ITGBL1: variants seen among roughly 807,000 people sequenced by gnomAD.
ITGBL1 encodes the protein integrin subunit beta like 1.
In ITGBL1, 51 loss-of-function variants were observed where a neutral mutation model predicts 68.5. The ratio of observed to expected loss-of-function variants is 0.74; its 90% CI spans 0.59 to 0.94. The LOEUF (loss-of-function observed/expected upper bound fraction) is 0.94. Ranked by LOEUF, ITGBL1 falls within the 40% of genes least tolerant of loss-of-function variation. The pLI, the probability that ITGBL1 is intolerant of heterozygous loss-of-function variation, is 0.00. For synonymous variants in ITGBL1, 209 were observed against 227.3 expected (o/e 0.92, Z 0.72); for missense variants, 649 against 647.4 (o/e 1.00, Z -0.03).
chr13:101,589,532 A>G (rs1367556749), intron 6 of ITGBL1, among the ~76,000 whole-genome samples: 1 of 152,202 alleles, frequency 6.6e-6, no homozygotes, highest in East Asian at 1.9e-4. Context: ...TCCTGGTGGT[A>G]AAGCATAGAA....
intron 2 of ITGBL1, among the ~76,000 whole-genome samples, chr13:101,485,237 T>C (rs1434833369): frequency 6.6e-6 from 1 of 150,834 alleles, no homozygotes; most frequent in East Asian, 2.0e-4. Context: ...ACAAGGAAAA[T>C]CATGCCAAGT....
At chr13:101,653,339 G>A (rs2032813700) in intron 7 of ITGBL1, among the ~76,000 whole-genome samples, 1 of 152,098 alleles carries the variant, frequency 6.6e-6, no homozygotes, top group Non-Finnish European at 1.5e-5. Flanking sequence ...ATTTATTCAG[G>A]TGAATATTGG....
intron 2 of ITGBL1, among the ~76,000 whole-genome samples, chr13:101,520,446 A>AG (rs1304998591): frequency 6.6e-6 from 1 of 152,186 alleles, no homozygotes; most frequent in African/African-American, 2.4e-5. Flanking sequence ...CCAATGATAG[A>AG]GAAAAATCCA....
intron 2 of ITGBL1, among the ~76,000 whole-genome samples, chr13:101,546,841 G>T (rs1466284362): frequency 6.6e-6 from 1 of 151,912 alleles, no homozygotes; most frequent in African/African-American, 2.4e-5. Flanking sequence ...TAAATAAGGT[G>T]GCTAATAATC....
chr13:101,662,546 A>T (rs1000697656), intron 7 of ITGBL1, among the ~76,000 whole-genome samples: 1 of 152,000 alleles, frequency 6.6e-6, no homozygotes, highest in Non-Finnish European at 1.5e-5. Flanking sequence ...AATCACATAC[A>T]TTTGGTTGTT....
intron 4 of ITGBL1, among the ~76,000 whole-genome samples, chr13:101,576,485 C>T (rs2050361410): frequency 6.6e-6 from 1 of 152,190 alleles, no homozygotes; most frequent in Non-Finnish European, 1.5e-5. Context: ...AAATTTTTCT[C>T]TGCTCTGAAC....
intron 2 of ITGBL1, among the ~76,000 whole-genome samples, chr13:101,491,464 CACA>C: frequency 6.6e-6 from 1 of 152,232 alleles, no homozygotes; most frequent in East Asian, 1.9e-4. Context: ...TATAATTTGT[CACA>C]TTACGGTAGA....
chr13:101,457,079 G>T (rs1476762435), intron 2 of ITGBL1, among the ~76,000 whole-genome samples: 1 of 152,140 alleles, frequency 6.6e-6, no homozygotes, highest in Non-Finnish European at 1.5e-5. Context: ...CTGTTGTAAG[G>T]TTTAACATAT....
At chr13:101,564,620 G>GATAT (rs57096465) in intron 2 of ITGBL1, among the ~76,000 whole-genome samples, 60 of 147,354 alleles carry the variant, frequency 4.1e-4, no homozygotes, top group South Asian at 1.1e-3. Context: ...TGTATATGTT[G>GATAT]ATATATATAT....
chr13:101,716,605 G>A (rs1446526449), downstream of ITGBL1: 1 of 152,032 alleles, frequency 6.6e-6, no homozygotes, highest in African/African-American at 2.4e-5. Flanking sequence ...TTCCATGGTA[G>A]TGTGGCCTTT....
At chr13:101,460,781 T>TGGCAAGAGAAGG (rs1400689122) in intron 2 of ITGBL1, among the ~76,000 whole-genome samples, 4 of 26,214 alleles carry the variant, frequency 1.5e-4, no homozygotes, top group African/African-American at 1.1e-3. Context: ...GCATGTCACA[T>TGGCAAGAGAAGG]GGCAAGAGAT....
chr13:101,609,806 T>C (rs1233068285), intron 7 of ITGBL1, among the ~76,000 whole-genome samples: 1 of 152,156 alleles, frequency 6.6e-6, no homozygotes, highest in Non-Finnish European at 1.5e-5. Context: ...GAAAACTGTA[T>C]TACTACCAAG....
chr13:101,690,604 A>G (rs1267507966), intron 7 of ITGBL1, among the ~76,000 whole-genome samples: 1 of 152,114 alleles, frequency 6.6e-6, no homozygotes, highest in African/African-American at 2.4e-5. Flanking sequence ...TATTGGAATC[A>G]TTTGCACATC....
intron 2 of ITGBL1, among the ~76,000 whole-genome samples, chr13:101,535,593 A>T (rs2139170672): frequency 6.6e-6 from 1 of 152,200 alleles, no homozygotes; most frequent in South Asian, 2.1e-4. Context: ...TCTAAACTTA[A>T]TCTAGGTTCA....
At chr13:101,622,607 C>T (rs76667529) in intron 7 of ITGBL1, among the ~76,000 whole-genome samples, 112 of 152,186 alleles carry the variant, frequency 7.4e-4, no homozygotes, top group African/African-American at 2.6e-3. Flanking sequence ...TTTCTAAAAC[C>T]TAGAATCTAG....
chr13:101,565,997 C>T (rs144434858), intron 2 of ITGBL1, among the ~76,000 whole-genome samples: 1 of 152,196 alleles, frequency 6.6e-6, no homozygotes, highest in African/African-American at 2.4e-5. Context: ...TATTTCCCAT[C>T]TCTACTGTGT....
chr13:101,514,993 A>G (rs939438571), intron 2 of ITGBL1, among the ~76,000 whole-genome samples: 18 of 152,164 alleles, frequency 1.2e-4, no homozygotes, highest in Non-Finnish European at 2.5e-4. Flanking sequence ...AGAAAATATT[A>G]TAGGAATTTA....
intron 7 of ITGBL1, among the ~76,000 whole-genome samples, chr13:101,688,660 A>T (rs374572986): frequency 6.6e-6 from 1 of 152,160 alleles, no homozygotes; most frequent in Admixed American, 6.5e-5. Flanking sequence ...TTCACAGAAG[A>T]CCCAAGAAGA....
rs772911272 is a variant in ITGBL1, at chr13:101,567,681, A to G, written c.317-18A>G. ...TGGAAAACAATTTGAGTCTGACTAGATGTTGTTCAATCCCCAGGCCATGGT... is the reference window on the plus strand; with the variant it reads ...TGGAAAACAATTTGAGTCTGACTAGGTGTTGTTCAATCCCCAGGCCATGGT... On this transcript the variant is annotated intron_variant, in intron 2 of 10. Coordinates refer to ENST00000376180, the MANE Select transcript of ITGBL1 (RefSeq NM_004791.3). 5.6e-6 allele frequency: 9 copies of G among 1,611,016 alleles called. No homozygotes were observed. Among genetic ancestry groups the G allele is most frequent in the Admixed American group, 1.7e-5 (1 of 59,668 alleles).
Sources: allele counts gnomAD v4.1 joint callset (sites outside exome capture counted in the v4.1 genomes callset), GRCh38; gene constraint gnomAD v4.1.1; transcripts MANE v1.5; gene names NCBI Gene and HGNC (gene_info 2026-07-23, HGNC 2026-07-21).